The following NPAS3 variants were observed in gnomAD, a reference collection of about 807,000 sequenced individuals.
The protein encoded by NPAS3 is neuronal PAS domain protein 3.
In NPAS3, 14 loss-of-function variants were observed where a neutral mutation model predicts 73.1. That is an observed-to-expected ratio of 0.19 (90% CI 0.13 to 0.30). NPAS3 has a LOEUF of 0.30. Among genes scored for constraint, NPAS3 ranks in the 10% least tolerant of loss-of-function variants. The pLI is 1.00. For missense variants in NPAS3, 1,096 were observed against 1,250.0 expected, an observed-to-expected ratio of 0.88 and a Z score of 1.86; for synonymous variants, 620 against 541.5, an observed-to-expected ratio of 1.14 and a Z score of -2.01.
At position 33,035,191 on chromosome 14, in the gene NPAS3, C is replaced by A. The variant is rs538668526; in HGVS notation, c.51-20714C>A. On this transcript the variant is annotated intron_variant, in intron 1 of 11. Transcript: ENST00000356141. ...TAGCAAATGATCTCTTTAATGCATA[C>A]ATAATATTCACTAAATGGGCAAGCA... Among the ~76,000 whole-genome samples, 570 of 152,268 alleles carry A rather than the reference C, an allele frequency of 3.7e-3. 2 individuals are homozygous for A. Among genetic ancestry groups the A allele is most frequent in the Non-Finnish European group, 4.9e-3 (331 of 68,024 alleles).
intron 5 of NPAS3, among the ~76,000 whole-genome samples, chr14:33,567,034 C>T (rs745711392): frequency 3.0e-4 from 45 of 152,228 alleles, no homozygotes; most frequent in Admixed American, 1.4e-3. Context: ...AATTTTTTTA[C>T]GCCTAGAATT....
At chr14:33,087,414 T>C (rs1019076401) in intron 2 of NPAS3, among the ~76,000 whole-genome samples, 2 of 151,706 alleles carry the variant, frequency 1.3e-5, no homozygotes, top group Non-Finnish European at 2.9e-5. Context: ...TATTACCAAG[T>C]AGGGAACAAA....
chr14:32,938,453 G>A (rs958012428), upstream of NPAS3, among the ~76,000 whole-genome samples: 3 of 113,094 alleles, frequency 2.7e-5, no homozygotes, highest in Admixed American at 2.6e-4. Context: ...GTCCCCCAAC[G>A]AGAAAGAGAG....
intron 3 of NPAS3, among the ~76,000 whole-genome samples, chr14:33,310,790 T>TACACAC (rs57506320): frequency 0.04 from 5,675 of 142,156 alleles, 138 homozygotes; most frequent in Middle Eastern, 0.061. Flanking sequence ...AAATGTATGG[T>TACACAC]ACACACACAC....
chr14:33,537,461 C>T (rs2054307142), intron 4 of NPAS3, among the ~76,000 whole-genome samples: 1 of 152,092 alleles, frequency 6.6e-6, no homozygotes. Context: ...TTTAATTGGC[C>T]AGTTGTTTGA....
chr14:33,708,087 C>CA (rs2060709786), intron 6 of NPAS3, among the ~76,000 whole-genome samples: 1 of 152,138 alleles, frequency 6.6e-6, no homozygotes, highest in Non-Finnish European at 1.5e-5. Flanking sequence ...GCAGCAGCAG[C>CA]AGCAGCAGCA....
intron 1 of NPAS3, among the ~76,000 whole-genome samples, chr14:33,054,188 A>G (rs992014772): frequency 2.0e-4 from 30 of 152,190 alleles, no homozygotes; most frequent in Non-Finnish European, 3.8e-4. Context: ...AAGCTTTTTT[A>G]TATCTCTTGC....
chr14:33,711,575 T>C (rs2060820008), intron 6 of NPAS3, among the ~76,000 whole-genome samples: 1 of 152,358 alleles, frequency 6.6e-6, no homozygotes, highest in East Asian at 1.9e-4. Context: ...GCCTGTTTTA[T>C]GATAGTGCTG....
chr14:33,050,035 C>T (rs541378650), intron 1 of NPAS3, among the ~76,000 whole-genome samples: 24 of 152,212 alleles, frequency 1.6e-4, no homozygotes, highest in African/African-American at 4.3e-4. Context: ...TTTTGGTTAG[C>T]GCTGAGGGAG....
chr14:33,255,601 C>T (rs911335470), intron 3 of NPAS3, among the ~76,000 whole-genome samples: 1 of 152,104 alleles, frequency 6.6e-6, no homozygotes, highest in African/African-American at 2.4e-5. Context: ...TTGTCCTTAA[C>T]TTTGGCCAGC....
intron 2 of NPAS3, among the ~76,000 whole-genome samples, chr14:33,197,770 G>A (rs888421135): frequency 6.6e-6 from 1 of 152,164 alleles, no homozygotes; most frequent in African/African-American, 2.4e-5. Context: ...TAAGTATCCT[G>A]CCATCTTGAA....
intron 5 of NPAS3, among the ~76,000 whole-genome samples, chr14:33,592,832 C>T (rs1016199734): frequency 5.9e-5 from 9 of 152,158 alleles, no homozygotes; most frequent in African/African-American, 1.9e-4. Flanking sequence ...CTCAAACCTC[C>T]GTGTTTTTCA....
chr14:33,026,712 A>G (rs970169446), intron 1 of NPAS3, among the ~76,000 whole-genome samples: 24 of 152,080 alleles, frequency 1.6e-4, no homozygotes, highest in African/African-American at 5.3e-4. Context: ...CTACTGTACA[A>G]TCTGTCTCTT....
intron 5 of NPAS3, among the ~76,000 whole-genome samples, chr14:33,585,773 A>T (rs1363947618): frequency 6.6e-6 from 1 of 152,118 alleles, no homozygotes; most frequent in African/African-American, 2.4e-5. Flanking sequence ...TGCCTAATGT[A>T]TTTTAGATGC....
intron 9 of NPAS3, among the ~76,000 whole-genome samples, chr14:33,789,513 T>C (rs1376598844): frequency 6.6e-6 from 1 of 151,930 alleles, no homozygotes; most frequent in Non-Finnish European, 1.5e-5. Flanking sequence ...AGGTTTACTT[T>C]GTCAAATCTA....
chr14:33,581,412 C>T (rs77964444), intron 5 of NPAS3, among the ~76,000 whole-genome samples: 15,606 of 152,092 alleles, frequency 0.1, 1,081 homozygotes, highest in Non-Finnish European at 0.15. Flanking sequence ...AAAATTTGAA[C>T]ACTGTAGACT....
chr14:33,434,947 G>T (rs2048926759), intron 4 of NPAS3, among the ~76,000 whole-genome samples: 1 of 152,144 alleles, frequency 6.6e-6, no homozygotes, highest in African/African-American at 2.4e-5. Flanking sequence ...GGGTGTGGTT[G>T]GGAGATGGGA....
At position 33,128,562 on chromosome 14, in the gene NPAS3, T is replaced by C. The variant is rs553531873; in HGVS notation, c.140+72568T>C. ...TGAAATTATGACTTTTGTGCTATAT[T>C]TTTATAAAAGTAGTGAGTGGCTGGA... On this transcript the variant is annotated intron_variant, in intron 2 of 11. Coordinates refer to ENST00000356141, the Ensembl canonical transcript of NPAS3. 1.8e-3 allele frequency among the ~76,000 whole-genome samples: 278 copies of C among 152,266 alleles called. 2 individuals carry two copies. Among genetic ancestry groups the C allele is most frequent in the African/African-American group, 6.4e-3 (268 of 41,576 alleles).
intron 3 of NPAS3, among the ~76,000 whole-genome samples, chr14:33,219,987 G>T (rs193198022): frequency 3.9e-5 from 6 of 152,092 alleles, no homozygotes; most frequent in African/African-American, 1.4e-4. Context: ...TCATGCTATG[G>T]GGCAAGGGTC....
Sources: gnomAD v4.1 joint callset for allele counts (sites outside exome capture counted in the v4.1 genomes callset) on GRCh38, gnomAD v4.1.1 for gene constraint, MANE v1.5 for transcripts, NCBI Gene and HGNC (gene_info 2026-07-23, HGNC 2026-07-21) for gene names.